NYAP2: variants seen among roughly 807,000 people sequenced by gnomAD.
NYAP2 encodes the protein neuronal tyrosine-phosphorylated phosphoinositide-3-kinase adapter 2.
Under a neutral mutation model 50.4 loss-of-function variants are expected in NYAP2, and 23 were observed. The ratio of observed to expected loss-of-function variants is 0.46; its 90% CI spans 0.33 to 0.65. NYAP2 has a LOEUF of 0.65. Among genes scored for constraint, NYAP2 ranks in the 30% least tolerant of loss-of-function variants. NYAP2 has a pLI of 0.02. For missense variants in NYAP2, 885 were observed against 861.0 expected (o/e 1.03, Z -0.35); for synonymous variants, 394 against 365.2 (o/e 1.08, Z -0.90).
the NYAP2 span, among the ~76,000 whole-genome samples, chr2:225,697,433 G>T: frequency 1.3e-5 from 2 of 151,902 alleles, no homozygotes; most frequent in African/African-American, 2.4e-5. Context: ...CTTAGCAGAA[G>T]AAATATTTAA....
chr2:225,670,900 G>A, the NYAP2 span, among the ~76,000 whole-genome samples: 1 of 152,026 alleles, frequency 6.6e-6, no homozygotes, highest in African/African-American at 2.4e-5. Flanking sequence ...TCTATTAAGT[G>A]TAAACATTGT....
the NYAP2 span, chr2:225,702,029 T>C: frequency 6.6e-5 from 10 of 151,752 alleles, no homozygotes; most frequent in African/African-American, 2.2e-4. Context: ...ATCACTTCCA[T>C]GTTAAGACAA....
chr2:225,612,173 C>G (rs2106247956), intron 5 of NYAP2, among the ~76,000 whole-genome samples: 1 of 149,236 alleles, frequency 6.7e-6, no homozygotes, highest in East Asian at 2.0e-4. Context: ...ATTGAAGTGT[C>G]TCAGGAGATG....
At chr2:225,665,377 C>G in the NYAP2 span, among the ~76,000 whole-genome samples, 5 of 152,080 alleles carry the variant, frequency 3.3e-5, no homozygotes, top group South Asian at 1.0e-3. Context: ...TGTGAACACC[C>G]CCAGTGACAA....
chr2:225,637,128 C>T (rs556353956), intron 6 of NYAP2, among the ~76,000 whole-genome samples: 7 of 152,124 alleles, frequency 4.6e-5, no homozygotes, highest in Non-Finnish European at 1.0e-4. Flanking sequence ...AGAGTATGCT[C>T]ATTGACAAAA....
chr2:225,529,900 G>A (rs1187572694), intron 4 of NYAP2, among the ~76,000 whole-genome samples: 1 of 151,458 alleles, frequency 6.6e-6, no homozygotes, highest in African/African-American at 2.4e-5. Flanking sequence ...GTAGAGACGG[G>A]GTTTCACCAT....
At chr2:225,566,404 A>G (rs955249220) in intron 4 of NYAP2, among the ~76,000 whole-genome samples, 9 of 152,156 alleles carry the variant, frequency 5.9e-5, no homozygotes, top group African/African-American at 2.2e-4. Flanking sequence ...TCCTCAGTAG[A>G]CTGTATCTAT....
At chr2:225,699,880 G>C in the NYAP2 span, 1 of 151,734 alleles carries the variant, frequency 6.6e-6, no homozygotes, top group African/African-American at 2.4e-5. Context: ...TGCCACGAAT[G>C]AATAAAAAAG....
chr2:225,537,319 T>A (rs1691369257), intron 4 of NYAP2, among the ~76,000 whole-genome samples: 1 of 152,184 alleles, frequency 6.6e-6, no homozygotes, highest in South Asian at 2.1e-4. Context: ...CACTTTTTTT[T>A]ATGTCTGTGT....
At position 225,468,000 on chromosome 2, in the gene NYAP2, A is replaced by G. The variant is rs534623996; in HGVS notation, c.222-45371A>G. Among the ~76,000 whole-genome samples, 5 of 152,324 alleles carry G rather than the reference A, an allele frequency of 3.3e-5. No individual in the cohort carries two copies. The East Asian group carries it at 7.7e-4, about 24-fold the overall frequency. On this transcript the variant is annotated intron_variant, in intron 3 of 6. Coordinates refer to ENST00000636099, the Ensembl canonical transcript of NYAP2. ...TCAAAAAAGGGTGAACTGGAGAAAC[A>G]AGAAAAACCCTCTTGATAGAGTTTG...
intron 4 of NYAP2, among the ~76,000 whole-genome samples, chr2:225,546,969 T>C (rs1691595801): frequency 6.6e-6 from 1 of 152,082 alleles, no homozygotes; most frequent in Non-Finnish European, 1.5e-5. Context: ...CCAGAGTGTG[T>C]CTAGAAAGGT....
chr2:225,529,492 AT>A (rs764251637), intron 4 of NYAP2, among the ~76,000 whole-genome samples: 1 of 151,692 alleles, frequency 6.6e-6, no homozygotes, highest in East Asian at 1.9e-4. Flanking sequence ...CGTCCAACTA[AT>A]TTTTTATTTT....
At chr2:225,401,753 T>C (rs1283972792) in intron 2 of NYAP2, among the ~76,000 whole-genome samples, 1 of 152,038 alleles carries the variant, frequency 6.6e-6, no homozygotes, top group African/African-American at 2.4e-5. Context: ...GAGTATTTCA[T>C]ATCTGGAAAA....
intron 3 of NYAP2, among the ~76,000 whole-genome samples, chr2:225,440,653 A>G (rs1234554994): frequency 6.6e-6 from 1 of 152,218 alleles, no homozygotes; most frequent in Non-Finnish European, 1.5e-5. Flanking sequence ...ATTGAGGTGC[A>G]TTGATATAAA....
intron 3 of NYAP2, among the ~76,000 whole-genome samples, chr2:225,461,203 G>T (rs1241274852): frequency 6.6e-6 from 1 of 152,062 alleles, no homozygotes; most frequent in Non-Finnish European, 1.5e-5. Context: ...GTCTAACTGG[G>T]TTATCTCAGA....
chr2:225,409,349 T>G (rs1355056178), intron 3 of NYAP2, among the ~76,000 whole-genome samples: 1 of 152,028 alleles, frequency 6.6e-6, no homozygotes, highest in Admixed American at 6.6e-5. Context: ...GGGGAAAAAT[T>G]CAATTTCCTC....
At chr2:225,589,545 A>AT (rs1449938512) in intron 5 of NYAP2, among the ~76,000 whole-genome samples, 4 of 139,724 alleles carry the variant, frequency 2.9e-5, no homozygotes, top group East Asian at 2.1e-4. Context: ...ATATATATTT[A>AT]ATAGCTGGGT....
At chr2:225,666,841 C>A in the NYAP2 span, among the ~76,000 whole-genome samples, 29 of 144,570 alleles carry the variant, frequency 2.0e-4, no homozygotes, top group South Asian at 1.1e-3. Flanking sequence ...TATTCCCCCC[C>A]CTCCATGCCC....
intron 4 of NYAP2, among the ~76,000 whole-genome samples, chr2:225,514,747 G>T (rs1001982248): frequency 5.3e-5 from 8 of 152,084 alleles, no homozygotes; most frequent in East Asian, 1.9e-4. Context: ...ACACTTCAAG[G>T]TTCCCAATGC....
Sources: gnomAD v4.1 joint callset for allele counts (sites outside exome capture counted in the v4.1 genomes callset) on GRCh38, gnomAD v4.1.1 for gene constraint, MANE v1.5 for transcripts, NCBI Gene and HGNC (gene_info 2026-07-23, HGNC 2026-07-21) for gene names.